RALYL: variants seen among roughly 807,000 people sequenced by gnomAD.
The protein encoded by RALYL is RNA-binding Raly-like protein.
In RALYL, 29 loss-of-function variants were observed where a neutral mutation model predicts 35.1. That is an observed-to-expected ratio of 0.83 (90% CI 0.61 to 1.13). The LOEUF is 1.13. Ranked by LOEUF, RALYL falls within the 50% of genes most tolerant of loss-of-function variation. RALYL has a pLI of 0.00. For synonymous variants in RALYL, 120 were observed against 127.6 expected (o/e 0.94, Z 0.40); for missense variants, 359 against 360.4 (o/e 1.00, Z 0.03).
rs1401810097 is a variant in RALYL at position 84,366,612 on chromosome 8, T to C, written c.-23-162687T>C. On this transcript the variant is annotated intron_variant, in intron 1 of 8. Transcript: ENST00000521268. Reference sequence around the variant, plus strand: ...CAACATGGTCAAACCTCGTCTCTGCTAAAAATACAAAATTTAGTTGGATGT... The same window carrying C: ...CAACATGGTCAAACCTCGTCTCTGCCAAAAATACAAAATTTAGTTGGATGT... Among the ~76,000 whole-genome samples the C allele has an allele frequency of 2.0e-5, 3 of 151,892 alleles. No homozygotes were observed. In the East Asian group the frequency reaches 5.8e-4, roughly 30 times the overall value.
chr8:84,754,854 G>T (rs1407139160), intron 2 of RALYL, among the ~76,000 whole-genome samples: 8 of 152,140 alleles, frequency 5.3e-5, no homozygotes, highest in Admixed American at 5.2e-4. Context: ...GTACTTATAT[G>T]CCAGGTTCTC....
intron 4 of RALYL, among the ~76,000 whole-genome samples, chr8:84,812,978 C>A (rs544579537): frequency 2.0e-5 from 3 of 152,294 alleles, no homozygotes; most frequent in African/African-American, 7.2e-5. Flanking sequence ...TGGAGATTTC[C>A]TTCTGCCTGT....
intron 1 of RALYL, among the ~76,000 whole-genome samples, chr8:84,389,569 A>G (rs1256993375): frequency 1.3e-5 from 2 of 150,738 alleles, no homozygotes; most frequent in Non-Finnish European, 2.9e-5. Flanking sequence ...ATCCCTTGTA[A>G]GTTGGATTCC....
intron 2 of RALYL, among the ~76,000 whole-genome samples, chr8:84,771,275 A>T (rs1244546978): frequency 6.6e-6 from 1 of 151,708 alleles, no homozygotes; most frequent in African/African-American, 2.4e-5. Flanking sequence ...CCTTTTGGTA[A>T]ATATGCTACC....
At chr8:84,214,576 G>A (rs1490237341) in intron 1 of RALYL, among the ~76,000 whole-genome samples, 1 of 151,944 alleles carries the variant, frequency 6.6e-6, no homozygotes, top group Non-Finnish European at 1.5e-5. Flanking sequence ...TACTGTGAGA[G>A]GCAATTTAAT....
intron 1 of RALYL, among the ~76,000 whole-genome samples, chr8:84,423,932 T>C (rs1057066021): frequency 2.6e-5 from 4 of 151,948 alleles, no homozygotes; most frequent in African/African-American, 9.7e-5. Flanking sequence ...GTTAGTCTGA[T>C]GGGCTTCCCT....
At chr8:84,559,860 G>A (rs1444544258) in intron 2 of RALYL, among the ~76,000 whole-genome samples, 1 of 151,804 alleles carries the variant, frequency 6.6e-6, no homozygotes, top group Non-Finnish European at 1.5e-5. Flanking sequence ...GAAACAGGGG[G>A]GAAAGGAGGC....
intron 2 of RALYL, among the ~76,000 whole-genome samples, chr8:84,740,447 GTAAT>G (rs2133043158): frequency 6.6e-6 from 1 of 152,124 alleles, no homozygotes; most frequent in South Asian, 2.1e-4. Context: ...TAAAAAGAAA[GTAAT>G]TTATTTTTCC....
intron 1 of RALYL, among the ~76,000 whole-genome samples, chr8:84,477,339 G>A (rs2053540399): frequency 6.7e-6 from 1 of 149,544 alleles, no homozygotes. Flanking sequence ...CTGTGTGTGT[G>A]TATCCATCTA....
chr8:84,578,881 C>T (rs1444294814), intron 2 of RALYL, among the ~76,000 whole-genome samples: 7 of 152,192 alleles, frequency 4.6e-5, no homozygotes, highest in East Asian at 1.9e-4. Context: ...GGTCCATAGG[C>T]GGCCATGGGC....
In RALYL at chr8:84,501,536, A is replaced by T. The variant is rs190559864; in HGVS notation, c.-23-27763A>T. Among the ~76,000 whole-genome samples, 10 of 152,170 alleles carry T rather than the reference A, an allele frequency of 6.6e-5. No individual in the cohort carries two copies. In the East Asian group the frequency reaches 1.9e-3, roughly 29 times the overall value. ...GTGATGTCATGGTCATTTCCATAAG[A>T]TATAAACATAATATATATTTCAGAG... On this transcript the variant is annotated intron_variant, in intron 1 of 8. Transcript: ENST00000521268.
At chr8:84,298,441 T>A (rs1840177699) in intron 1 of RALYL, among the ~76,000 whole-genome samples, 1 of 152,176 alleles carries the variant, frequency 6.6e-6, no homozygotes, top group Non-Finnish European at 1.5e-5. Context: ...TGTGCCATGC[T>A]GTTTTGGTTA....
intron 2 of RALYL, among the ~76,000 whole-genome samples, chr8:84,695,850 C>T (rs763749733): frequency 6.6e-6 from 1 of 151,804 alleles, no homozygotes; most frequent in Admixed American, 6.6e-5. Context: ...CTTTCTACCC[C>T]TCTCAGTAAT....
At chr8:84,842,860 G>C (rs1038942387) in intron 4 of RALYL, among the ~76,000 whole-genome samples, 3 of 152,032 alleles carry the variant, frequency 2.0e-5, no homozygotes, top group African/African-American at 7.2e-5. Context: ...AGAACCGATG[G>C]CAAAAACCTC....
At chr8:84,346,931 G>T (rs945163464) in intron 1 of RALYL, among the ~76,000 whole-genome samples, 5 of 152,082 alleles carry the variant, frequency 3.3e-5, no homozygotes, top group South Asian at 4.1e-4. Flanking sequence ...CAGGCACGGT[G>T]GTTCACACCT....
At chr8:84,678,256 G>T (rs1486601714) in intron 2 of RALYL, among the ~76,000 whole-genome samples, 2 of 151,506 alleles carry the variant, frequency 1.3e-5, no homozygotes, top group Non-Finnish European at 2.9e-5. Context: ...TTTTTTTGTT[G>T]TTTTTTTGTT....
At chr8:84,185,999 A>G (rs764669299) in intron 1 of RALYL, among the ~76,000 whole-genome samples, 45 of 152,220 alleles carry the variant, frequency 3.0e-4, no homozygotes, top group Non-Finnish European at 5.1e-4. Context: ...GGAAAGTTGT[A>G]TATATTTTTT....
intron 1 of RALYL, among the ~76,000 whole-genome samples, chr8:84,506,163 A>G (rs2057147661): frequency 6.6e-6 from 1 of 152,096 alleles, no homozygotes; most frequent in African/African-American, 2.4e-5. Flanking sequence ...TAATATTTTC[A>G]GTGTTACAGC....
chr8:84,840,516 G>A (rs1436743375), intron 4 of RALYL, among the ~76,000 whole-genome samples: 1 of 152,216 alleles, frequency 6.6e-6, no homozygotes, highest in Non-Finnish European at 1.5e-5. Context: ...GTGACTGGGA[G>A]AATGGAACCA....
Sources: allele counts gnomAD v4.1 joint callset (sites outside exome capture counted in the v4.1 genomes callset), GRCh38; gene constraint gnomAD v4.1.1; transcripts MANE v1.5; gene names NCBI Gene and HGNC (gene_info 2026-07-23, HGNC 2026-07-21).